Variants in ATP8A2 observed in about 807,000 individuals in gnomAD.
ATP8A2 encodes phospholipid-transporting ATPase IB.
In ATP8A2, 100 loss-of-function variants were observed where a neutral mutation model predicts 165.6. That is an observed-to-expected ratio of 0.60 (90% CI 0.51 to 0.71). ATP8A2 has a LOEUF of 0.71. Ranked by LOEUF, ATP8A2 falls within the 30% of genes least tolerant of loss-of-function variation. The probability of loss-of-function intolerance (pLI) is 0.00; values close to 1 mark genes in which losing one functional copy is unlikely to be tolerated. For missense variants in ATP8A2, 1,227 were observed against 1,479.5 expected (o/e 0.83, Z 2.80); for synonymous variants, 543 against 548.8 (o/e 0.99, Z 0.15).
rs137897842 is a variant in ATP8A2 at position 25,738,213 on chromosome 13, G to A, written c.2385-30833G>A. ...CTGGGATTTAAACTCCAATGTCCCC[G>A]AGGCTTCTCACAGGTAGAGTAACTG... On this transcript the variant is annotated intron_variant, in intron 25 of 36. Coordinates refer to ENST00000381655, the MANE Select transcript of ATP8A2 (RefSeq NM_016529.6). 1.4e-4 allele frequency among the ~76,000 whole-genome samples: 22 copies of A among 152,228 alleles called. 1 individual carries two copies. Among genetic ancestry groups the A allele is most frequent in the Admixed American group, 1.3e-4 (2 of 15,288 alleles).
At chr13:25,800,632 G>A (rs1950603204) in intron 27 of ATP8A2, among the ~76,000 whole-genome samples, 1 of 152,150 alleles carries the variant, frequency 6.6e-6, no homozygotes, top group Admixed American at 6.5e-5. Context: ...TTGCTGAACT[G>A]AGAAAGTGAA....
At chr13:25,811,809 A>T (rs1185295029) in intron 27 of ATP8A2, among the ~76,000 whole-genome samples, 1 of 152,190 alleles carries the variant, frequency 6.6e-6, no homozygotes, top group Non-Finnish European at 1.5e-5. Context: ...TGCAGTAAGC[A>T]ATGATTGTGC....
chr13:25,451,909 C>T (rs139823181), intron 1 of ATP8A2, among the ~76,000 whole-genome samples: 7,065 of 150,222 alleles, frequency 0.047, 205 homozygotes, highest in East Asian at 0.093. Context: ...GGCTGGAGTG[C>T]AGTGGCGTGA....
At chr13:25,666,193 G>C (rs150557826) in intron 24 of ATP8A2, among the ~76,000 whole-genome samples, 11 of 151,570 alleles carry the variant, frequency 7.3e-5, no homozygotes, top group African/African-American at 2.7e-4. Flanking sequence ...TTATTAATTC[G>C]TCATTTATTT....
At chr13:25,633,466 C>T (rs9553634) in intron 24 of ATP8A2, among the ~76,000 whole-genome samples, 32,260 of 152,090 alleles carry the variant, frequency 0.21, 3,555 homozygotes, top group Admixed American at 0.25. Context: ...CATGGGAATA[C>T]GAGCGAGATC....
chr13:25,839,702 TC>T, intron 30 of ATP8A2, 78 bp downstream of exon 30: 1 of 1,216,560 alleles, frequency 8.2e-7, no homozygotes, highest in Non-Finnish European at 1.2e-6. Context: ...AATTTTTTTT[TC>T]CAGTTCTGCA....
intron 28 of ATP8A2, among the ~76,000 whole-genome samples, chr13:25,829,942 A>G (rs954761349): frequency 2.6e-5 from 4 of 151,524 alleles, no homozygotes; most frequent in Non-Finnish European, 5.9e-5. Context: ...GTTTATTTGA[A>G]AAATGCAGAT....
intron 2 of ATP8A2, 41 bp downstream of exon 2, chr13:25,469,162 C>G (rs752999255): frequency 6.2e-7 from 1 of 1,606,580 alleles, no homozygotes; most frequent in Non-Finnish European, 8.5e-7. Flanking sequence ...GCGGTGGAGT[C>G]ACAGCTGGGA....
At chr13:25,533,127 G>A (rs1183410537) in intron 5 of ATP8A2, 146 bp from the exon 6 acceptor site, 1 of 627,626 alleles carries the variant, frequency 1.6e-6, no homozygotes, top group African/African-American at 1.9e-5. Flanking sequence ...TTTTGAGGGT[G>A]GGGGTGCTGA....
chr13:25,594,340 C>T lies in ATP8A2; in HGVS notation c.2211+4641C>T, dbSNP rs759519072. On this transcript the variant is annotated intron_variant, in intron 24 of 36. Transcript: ENST00000381655. ...TTTCCTGCTGCAATAATATAGAGAA[C>T]GCAGTGTAGCAATAATTAAGTTGAA... 5.3e-5 allele frequency among the ~76,000 whole-genome samples: 8 copies of T among 152,104 alleles called. No individual in the cohort carries two copies. The East Asian group carries it at 5.8e-4, about 11-fold the overall frequency.
intron 2 of ATP8A2, among the ~76,000 whole-genome samples, chr13:25,520,609 T>G (rs935197485): frequency 4.8e-5 from 7 of 146,120 alleles, no homozygotes; most frequent in Admixed American, 6.9e-5. Flanking sequence ...TTTTTTTGTT[T>G]TTTTTTTTTG....
intron 24 of ATP8A2, among the ~76,000 whole-genome samples, chr13:25,662,471 C>T (rs1040555428): frequency 2.6e-5 from 4 of 152,042 alleles, no homozygotes; most frequent in African/African-American, 9.7e-5. Flanking sequence ...CTTTACCTAG[C>T]GAATATTTTT....
intron 33 of ATP8A2, among the ~76,000 whole-genome samples, chr13:25,872,178 A>T (rs1952698195): frequency 6.6e-6 from 1 of 152,096 alleles, no homozygotes; most frequent in East Asian, 1.9e-4. Context: ...ATGGCAGTTG[A>T]TTCAGGAATG....
intron 35 of ATP8A2, among the ~76,000 whole-genome samples, chr13:26,011,121 G>A (rs1435475369): frequency 3.9e-5 from 6 of 152,094 alleles, no homozygotes; most frequent in African/African-American, 2.4e-5. Flanking sequence ...ATCCCCTCAC[G>A]TTCCCACAAA....
At chr13:25,914,246 A>G (rs1954203240) in intron 33 of ATP8A2, among the ~76,000 whole-genome samples, 1 of 152,112 alleles carries the variant, frequency 6.6e-6, no homozygotes, top group African/African-American at 2.4e-5. Context: ...TTCCTATGGT[A>G]TCACTTCCAT....
At chr13:25,550,969 T>C (rs549992431) in intron 10 of ATP8A2, among the ~76,000 whole-genome samples, 1 of 152,372 alleles carries the variant, frequency 6.6e-6, no homozygotes, top group Non-Finnish European at 1.5e-5. Flanking sequence ...TGGTATGGAA[T>C]GTCTAAGTTT....
intron 33 of ATP8A2, among the ~76,000 whole-genome samples, chr13:25,892,480 C>CTCTCTCTCTCTCTG (rs769157484): frequency 2.0e-4 from 29 of 147,396 alleles, no homozygotes; most frequent in African/African-American, 6.5e-4. Context: ...GTCTCTCTGT[C>CTCTCTCTCTCTCTG]TCTCTCTCTC....
intron 27 of ATP8A2, among the ~76,000 whole-genome samples, chr13:25,810,510 G>A (rs1258483942): frequency 6.8e-6 from 1 of 146,368 alleles, no homozygotes; most frequent in African/African-American, 2.5e-5. Flanking sequence ...GAGAACATCT[G>A]TCTTTTTTTT....
intron 1 of ATP8A2, among the ~76,000 whole-genome samples, chr13:25,396,160 A>G (rs1444389937): frequency 1.3e-5 from 2 of 152,158 alleles, no homozygotes; most frequent in South Asian, 4.2e-4. Flanking sequence ...ATGTTAATAG[A>G]CTGAGTGGGG....
Sources: allele counts gnomAD v4.1 joint callset (sites outside exome capture counted in the v4.1 genomes callset), GRCh38; gene constraint gnomAD v4.1.1; transcripts MANE v1.5; gene names NCBI Gene and HGNC (gene_info 2026-07-23, HGNC 2026-07-21).